PSD2: variants seen among roughly 807,000 people sequenced by gnomAD.
PSD2 encodes PH and SEC7 domain-containing protein 2.
Under a neutral mutation model 69.8 loss-of-function variants are expected in PSD2, and 38 were observed. The observed-to-expected ratio is 0.54, with a 90% CI of 0.42 to 0.71. PSD2 has a LOEUF of 0.71. PSD2 is among the 30% of genes least tolerant of loss of function. The pLI is 0.00. For synonymous variants in PSD2, 412 were observed against 423.0 expected, an observed-to-expected ratio of 0.97 and a Z score of 0.32; for missense variants, 943 against 1,014.5, an observed-to-expected ratio of 0.93 and a Z score of 0.96.
chr5:139,781,208 G>GC, the PSD2 span, among the ~76,000 whole-genome samples: 1 of 152,176 alleles, frequency 6.6e-6, no homozygotes, highest in Admixed American at 6.5e-5. Context: ...ATCTCCTTTT[G>GC]CACGGGCCTT....
In PSD2 at chr5:139,801,124, G is replaced by T. The variant is rs1479300795; in HGVS notation, c.-51+5149G>T. On this transcript the variant is annotated intron_variant, in intron 1 of 14. Coordinates refer to ENST00000274710, the MANE Select transcript of PSD2 (RefSeq NM_032289.4). Reference sequence around the variant, plus strand: ...GGAGGCTGAGGCAGGAGAATTGCTTGAACCTAGGAGGCAGAGGTTGCAGTG... The same window carrying T: ...GGAGGCTGAGGCAGGAGAATTGCTTTAACCTAGGAGGCAGAGGTTGCAGTG... 2.6e-5 allele frequency among the ~76,000 whole-genome samples: 4 copies of T among 151,396 alleles called. No homozygotes were observed. In the East Asian group the frequency reaches 7.8e-4, roughly 29 times the overall value.
At position 139,808,692 on chromosome 5, in the gene PSD2, G is replaced by T. The variant is rs182740892; in HGVS notation, c.-50-699G>T. On this transcript the variant is annotated intron_variant, in intron 1 of 14. Coordinates refer to ENST00000274710, the MANE Select transcript of PSD2 (RefSeq NM_032289.4). ...TTCCTCCCAGACAGCTGGGGCTCTGGGCGCTGTGTGTGGTGGAGGCAGCCC... is the reference window on the plus strand; with the variant it reads ...TTCCTCCCAGACAGCTGGGGCTCTGTGCGCTGTGTGTGGTGGAGGCAGCCC... 2.9e-3 allele frequency among the ~76,000 whole-genome samples: 440 copies of T among 152,308 alleles called. 2 individuals are homozygous for T. Among genetic ancestry groups the T allele is most frequent in the African/African-American group, 0.01 (421 of 41,574 alleles).
chr5:139,774,837 C>T, the PSD2 span, among the ~76,000 whole-genome samples: 9,077 of 152,220 alleles, frequency 0.06, 361 homozygotes, highest in Non-Finnish European at 0.088. Context: ...CCGCTTTCCT[C>T]GGGGTCCGCA....
chr5:139,836,497 G>C (rs1296639186), intron 9 of PSD2, among the ~76,000 whole-genome samples: 20 of 152,214 alleles, frequency 1.3e-4, no homozygotes, highest in Admixed American at 1.3e-3. Flanking sequence ...GGGATGGAGA[G>C]AGGAGAAGGA....
chr5:139,801,401 T>C (rs1392983758), intron 1 of PSD2, among the ~76,000 whole-genome samples: 1 of 152,184 alleles, frequency 6.6e-6, no homozygotes, highest in African/African-American at 2.4e-5. Context: ...CTCAGTCTTA[T>C]TGGCAGCATT....
rs769100874 is a variant in PSD2, at chr5:139,814,263, C to T, written c.915C>T (p.Asn305=). Residue 305 remains asparagine (N), a synonymous_variant, in exon 4 of 15, where the codon AAC becomes AAT. Transcript: ENST00000274710. This position sits in a 1 kb window ranked among gnomAD's most constrained non-coding sequence, Gnocchi z 4.4. ...CTGGTAGTGCAGACCCTCTGGCCAACGGGTGCCAGGGGGTCAGTGAAGCTG... is the reference window on the plus strand; with the variant it reads ...CTGGTAGTGCAGACCCTCTGGCCAATGGGTGCCAGGGGGTCAGTGAAGCTG... ...LEPGSADPLA[N]GCQGVSEAAH... is the part of the protein sequence containing the mutation. 1.4e-5 allele frequency: 23 copies of T among 1,613,560 alleles called. No individual in the cohort carries two copies. Among genetic ancestry groups the T allele is most frequent in the South Asian group, 4.4e-5 (4 of 91,014 alleles).
chr5:139,797,112 T>C (rs1432819158), intron 1 of PSD2, among the ~76,000 whole-genome samples: 1 of 151,694 alleles, frequency 6.6e-6, no homozygotes, highest in Non-Finnish European at 1.5e-5. Context: ...TCTTCCACCC[T>C]CTCCCCAGGA....
the PSD2 span, among the ~76,000 whole-genome samples, chr5:139,780,724 G>A: frequency 6.6e-6 from 1 of 152,216 alleles, no homozygotes; most frequent in Non-Finnish European, 1.5e-5. Context: ...GATTACAGGT[G>A]TGAGCCACCA....
At chr5:139,768,587 G>A in the PSD2 span, among the ~76,000 whole-genome samples, 1 of 152,216 alleles carries the variant, frequency 6.6e-6, no homozygotes, top group South Asian at 2.1e-4. Flanking sequence ...GCTGGGCTTG[G>A]TGGCGCATGC....
intron 7 of PSD2, among the ~76,000 whole-genome samples, chr5:139,831,098 A>C (rs1348521421): frequency 6.6e-6 from 1 of 151,962 alleles, no homozygotes; most frequent in Admixed American, 6.6e-5. Flanking sequence ...GTATATTTTG[A>C]AGCTATGTTA....
At chr5:139,788,976 C>G in the PSD2 span, among the ~76,000 whole-genome samples, 37 of 152,224 alleles carry the variant, frequency 2.4e-4, no homozygotes, top group Non-Finnish European at 1.2e-4. Context: ...TCCCCACGCT[C>G]CCTCCTGGCT....
chr5:139,783,810 C>G, the PSD2 span, among the ~76,000 whole-genome samples: 1 of 152,118 alleles, frequency 6.6e-6, no homozygotes, highest in Admixed American at 6.6e-5. Flanking sequence ...CTCACTCAGT[C>G]TCATTTCTCC....
the PSD2 span, among the ~76,000 whole-genome samples, chr5:139,778,575 T>C: frequency 6.6e-6 from 1 of 152,224 alleles, no homozygotes; most frequent in African/African-American, 2.4e-5. Flanking sequence ...ATCAATATTG[T>C]AATGAACATC....
chr5:139,787,717 C>A, the PSD2 span, among the ~76,000 whole-genome samples: 3 of 152,250 alleles, frequency 2.0e-5, no homozygotes, highest in Admixed American at 2.0e-4. Flanking sequence ...TGAATCTCGG[C>A]CAGTTAGACC....
chr5:139,762,125 C>G, the PSD2 span, among the ~76,000 whole-genome samples: 1 of 151,980 alleles, frequency 6.6e-6, no homozygotes, highest in East Asian at 1.9e-4. Context: ...TCACTGTAAC[C>G]TCCGCCTCCT....
chr5:139,830,129 G>C (rs1450200738), intron 7 of PSD2, among the ~76,000 whole-genome samples: 1 of 151,396 alleles, frequency 6.6e-6, no homozygotes, highest in Non-Finnish European at 1.5e-5. Context: ...TAGTGATGTT[G>C]AGCATTTTTT....
chr5:139,801,069 G>T (rs1306701570), intron 1 of PSD2, among the ~76,000 whole-genome samples: 1 of 152,046 alleles, frequency 6.6e-6, no homozygotes, highest in African/African-American at 2.4e-5. Flanking sequence ...ACCAGGCATG[G>T]TGGTGGGCAC....
At chr5:139,757,691 ACGTATACATAATATAT>A in the PSD2 span, among the ~76,000 whole-genome samples, 1 of 152,168 alleles carries the variant, frequency 6.6e-6, no homozygotes, top group Non-Finnish European at 1.5e-5. Context: ...GAGCAAACCA[ACGTATACATAATATAT>A]GCTTCTGTTC....
chr5:139,762,185 G>T, the PSD2 span, among the ~76,000 whole-genome samples: 3 of 151,790 alleles, frequency 2.0e-5, no homozygotes, highest in Admixed American at 1.3e-4. Flanking sequence ...TAGGACTATA[G>T]GTGTGCACCA....
Sources: allele counts gnomAD v4.1 joint callset (sites outside exome capture counted in the v4.1 genomes callset), GRCh38; gene constraint gnomAD v4.1.1; non-coding constraint Gnocchi (gnomAD v3.1); transcripts MANE v1.5; gene names NCBI Gene and HGNC (gene_info 2026-07-23, HGNC 2026-07-21).